Variants in EGF observed in about 807,000 individuals in gnomAD.
EGF encodes the protein epidermal growth factor.
Under a neutral mutation model 143.8 loss-of-function variants are expected in EGF, and 95 were observed. The observed-to-expected ratio is 0.66, with a 90% confidence interval of 0.56 to 0.78. EGF has a LOEUF of 0.78. EGF is among the 30% of genes least tolerant of loss of function. The pLI is 0.00. For missense variants in EGF, 1,320 were observed against 1,470.9 expected (o/e 0.90, Z 1.68); for synonymous variants, 510 against 510.5 (o/e 1.00, Z 0.01).
intron 21 of EGF, among the ~76,000 whole-genome samples, chr4:110,002,894 T>C (rs953974880): frequency 6.6e-6 from 1 of 152,202 alleles, no homozygotes; most frequent in Non-Finnish European, 1.5e-5. Context: ...AGCTCCCACT[T>C]AGAAGTTAGA....
chr4:109,961,416 C>T (rs910366250), intron 7 of EGF, among the ~76,000 whole-genome samples: 12 of 152,108 alleles, frequency 7.9e-5, no homozygotes, highest in African/African-American at 2.9e-4. Context: ...CAAATCAGAA[C>T]CTCTCAGGTT....
At chr4:109,941,703 A>T (rs760248611) in intron 2 of EGF, among the ~76,000 whole-genome samples, 10 of 152,234 alleles carry the variant, frequency 6.6e-5, no homozygotes, top group Non-Finnish European at 1.3e-4. Context: ...TTTTATCTGT[A>T]TAAAATCTCC....
chr4:109,987,306 C>CT (rs908707611), intron 16 of EGF, among the ~76,000 whole-genome samples: 5 of 151,404 alleles, frequency 3.3e-5, no homozygotes, highest in South Asian at 4.2e-4. Flanking sequence ...CTATGCATCT[C>CT]TTTTTTTTTC....
intron 22 of EGF, among the ~76,000 whole-genome samples, chr4:110,005,535 T>C (rs927914878): frequency 6.6e-6 from 1 of 152,228 alleles, no homozygotes; most frequent in African/African-American, 2.4e-5. Flanking sequence ...TAAATTTAAC[T>C]GGGTTCTTTA....
At position 110,004,426 on chromosome 4, in the gene EGF, A is replaced by G; in HGVS notation, c.3174-79A>G. On this transcript the variant is annotated intron_variant, in intron 21 of 23. Coordinates refer to ENST00000265171, the MANE Select transcript of EGF (RefSeq NM_001963.6). ...TTAAATTTTAGTAGCAAAAGCAGTT[A>G]GTTGTCCCTGATCATCACTGAGTGG... 2.6e-6 allele frequency: 3 copies of G among 1,175,698 alleles called. No homozygotes were observed. In the South Asian group the frequency reaches 3.7e-5, roughly 14 times the overall value. The allele number at this position is 1,175,698 out of a possible 1,614,324, so 72.8% of individuals were successfully genotyped here. A position where few individuals can be genotyped will look rare whatever the true frequency, so the allele number is the denominator to read the frequency against.
In EGF at chr4:110,001,580, A is replaced by G. The variant is rs1477694276; in HGVS notation, c.3173+1734A>G. 3 of 978,974 alleles carry G rather than the reference A, an allele frequency of 3.1e-6. No individual in the cohort carries two copies. In the East Asian group the frequency reaches 3.4e-4, roughly 111 times the overall value. The allele number at this position is 978,974 out of a possible 1,614,324, so 60.6% of individuals were successfully genotyped here. ...TAAGTTCATGCGTGCCATAATTATT[A>G]AGTGTTTTTTCCTATTTGTTGTGTT... On this transcript the variant is annotated intron_variant, in intron 21 of 23. Coordinates refer to ENST00000265171, the MANE Select transcript of EGF (RefSeq NM_001963.6).
At position 109,941,160 on chromosome 4, in the gene EGF, C is replaced by T. The variant is rs770567753; in HGVS notation, c.327+15C>T. The T allele has an allele frequency of 3.1e-6, 5 of 1,612,358 alleles. No individual in the cohort carries two copies. The highest frequency in any genetic ancestry group is 3.4e-6 in the Non-Finnish European group (4 of 1,178,784). On this transcript the variant is annotated intron_variant, in intron 2 of 23. Transcript: ENST00000265171. Reference sequence around the variant, plus strand: ...CAAGGCAAGAGGTAAAATACCCTTACCTACAGTGTTTGAGCTGTTTTTGTA... The same window carrying T: ...CAAGGCAAGAGGTAAAATACCCTTATCTACAGTGTTTGAGCTGTTTTTGTA...
chr4:109,987,603 C>T, intron 16 of EGF, 141 bp from the exon 17 acceptor site: 4 of 758,672 alleles, frequency 5.3e-6, no homozygotes, highest in East Asian at 2.5e-5. Context: ...TATAGGTCAA[C>T]TAAGCGTTTC....
chr4:109,931,887 T>G (rs1354072488), intron 1 of EGF, among the ~76,000 whole-genome samples: 1 of 152,262 alleles, frequency 6.6e-6, no homozygotes, highest in Non-Finnish European at 1.5e-5. Context: ...AATCTGAAGA[T>G]AAAATGTATT....
chr4:109,958,636 A>G (rs1745170215), intron 5 of EGF, among the ~76,000 whole-genome samples: 3 of 152,160 alleles, frequency 2.0e-5, no homozygotes, highest in Admixed American at 2.0e-4. Flanking sequence ...TTACACTTAA[A>G]AAGTATTCTT....
At chr4:109,995,346 T>G (rs1476417149) in intron 20 of EGF, among the ~76,000 whole-genome samples, 1 of 152,238 alleles carries the variant, frequency 6.6e-6, no homozygotes, top group African/African-American at 2.4e-5. Context: ...TCTTCAAAAC[T>G]AATCATATGT....
intron 10 of EGF, among the ~76,000 whole-genome samples, chr4:109,966,659 A>G (rs1422440521): frequency 1.3e-5 from 2 of 152,118 alleles, no homozygotes; most frequent in Non-Finnish European, 2.9e-5. Flanking sequence ...TCCCACCAGC[A>G]ATGTATAAGA....
chr4:110,011,431 A>C lies in EGF; in HGVS notation c.3600A>C (p.Pro1200=). ...GGCAACAAAGGGCCCTGGACCCACC[A>C]CACCAAATGGAGCTGACTCAGTGAA... ...PLWQQRALDP[P]HQMELTQ is the part of the protein sequence containing the mutation. The change falls in exon 24 of 24, where the codon CCA becomes CCC. Residue 1200 remains proline (P), a synonymous_variant. Coordinates refer to ENST00000265171, the MANE Select transcript of EGF (RefSeq NM_001963.6). 1 of 1,614,204 alleles carries C rather than the reference A, an allele frequency of 6.2e-7. No homozygotes were observed. The highest frequency in any genetic ancestry group is 1.7e-4 in the Middle Eastern group (1 of 6,060).
intron 18 of EGF, 110 bp downstream of exon 18, chr4:109,988,819 A>G: frequency 1.3e-6 from 2 of 1,523,688 alleles, no homozygotes; most frequent in Non-Finnish European, 9.0e-7. Context: ...GGTGACACAC[A>G]TGTCAAGATT....
chr4:109,968,039 C>A (rs1578289496), intron 10 of EGF, among the ~76,000 whole-genome samples: 3 of 152,130 alleles, frequency 2.0e-5, no homozygotes, highest in Non-Finnish European at 4.4e-5. Context: ...CTGTACATTG[C>A]TGTAGACAAA....
rs199792745 is a variant in EGF, at chr4:109,976,221, C to T, written c.2039C>T (p.Thr680Ile). ...NLDGSKRRRL[T>I]QNDVGHPFAV... Reference sequence around the variant, plus strand: ...GATGGTTCAAAACGCCGAAGACTTACCCAGAATGATGTAGGTGAGGCTTTG... The same window carrying T: ...GATGGTTCAAAACGCCGAAGACTTATCCAGAATGATGTAGGTGAGGCTTTG... Residue 680 changes from threonine to isoleucine, a missense_variant, in exon 13 of 24, where the codon ACC becomes ATC. Physicochemically the swap from Thr to Ile is moderately conservative, Grantham distance 89. Around this residue, in one of 5 missense-constraint regions of EGF, gnomAD observed 1,186 missense variants for 1,313.7 expected, o/e 0.90. Coordinates refer to ENST00000265171, the MANE Select transcript of EGF (RefSeq NM_001963.6). The T allele has an allele frequency of 8.1e-6, 13 of 1,613,896 alleles. No individual in the cohort carries two copies. The African/African-American group carries it at 1.1e-4, about 13-fold the overall frequency.
intron 5 of EGF, among the ~76,000 whole-genome samples, chr4:109,955,117 G>GA (rs1193515909): frequency 6.6e-6 from 1 of 152,176 alleles, no homozygotes; most frequent in East Asian, 1.9e-4. Flanking sequence ...GTGATCAGTG[G>GA]AAAAAAACAG....
rs180979031 is a variant in EGF, at chr4:109,932,633, C to T, written c.128-8313C>T. Among the ~76,000 whole-genome samples, 518 of 151,866 alleles carry T rather than the reference C, an allele frequency of 3.4e-3. 4 individuals are homozygous for T. The highest frequency in any genetic ancestry group is 0.012 in the African/African-American group (498 of 41,406). On this transcript the variant is annotated intron_variant, in intron 1 of 23. Coordinates refer to ENST00000265171, the MANE Select transcript of EGF (RefSeq NM_001963.6). ...GACCTCATGATCCGCCTGCCTGCCTCGGCCTCCCAAAGTGCTGGGATTACA... is the reference window on the plus strand; with the variant it reads ...GACCTCATGATCCGCCTGCCTGCCTTGGCCTCCCAAAGTGCTGGGATTACA...
At chr4:109,968,764 T>C (rs576153621) in intron 10 of EGF, 2 of 581,882 alleles carry the variant, frequency 3.4e-6, no homozygotes, top group African/African-American at 1.9e-5. Flanking sequence ...ATTTTACCGA[T>C]GAGGAAACTA....
Sources: allele counts gnomAD v4.1 joint callset (sites outside exome capture counted in the v4.1 genomes callset), GRCh38; gene constraint gnomAD v4.1.1; regional missense constraint gnomAD v4.1.1; transcripts MANE v1.5; gene names NCBI Gene and HGNC (gene_info 2026-07-23, HGNC 2026-07-21).